ANK3: variants seen among roughly 807,000 people sequenced by gnomAD.
ANK3 encodes the protein ankyrin-3.
ANK3 carries 57 observed loss-of-function variants against 370.9 expected under a neutral mutation model. The ratio of observed to expected loss-of-function variants is 0.15; its 90% CI spans 0.12 to 0.19. The LOEUF is 0.19. Ranked by LOEUF, ANK3 falls within the 10% of genes least tolerant of loss-of-function variation. ANK3 has a pLI of 1.00. For synonymous variants in ANK3, 1,929 were observed against 1,946.3 expected, an observed-to-expected ratio of 0.99 and a Z score of 0.23; for missense variants, 4,439 against 5,302.1, an observed-to-expected ratio of 0.84 and a Z score of 5.06.
chr10:60,185,196 T>A (rs1157161621), intron 17 of ANK3, among the ~76,000 whole-genome samples: 2 of 152,218 alleles, frequency 1.3e-5, no homozygotes. Context: ...AAAAAGATTT[T>A]CACAATACTA....
intron 1 of ANK3, among the ~76,000 whole-genome samples, chr10:60,364,756 G>A (rs2059164054): frequency 6.6e-6 from 1 of 151,846 alleles, no homozygotes; most frequent in Non-Finnish European, 1.5e-5. Context: ...CTAGTAAACT[G>A]TTTCCTAATG....
chr10:60,202,207 C>T (rs1158588718), intron 12 of ANK3, among the ~76,000 whole-genome samples: 2 of 151,944 alleles, frequency 1.3e-5, no homozygotes, highest in South Asian at 2.1e-4. Context: ...CCGCAACCTC[C>T]GCCTCCCAGG....
rs1005812296 is a variant in ANK3, at chr10:60,167,024, T to C, written c.2479-128A>G. The stretch of plus-strand genomic sequence containing the variant: ...TTGAATATCTTGAATCTCCCACATA[T>C]AAAATAACATCAAAATTGTTGTCCC... On this transcript the variant is annotated intron_variant, in intron 21 of 43. Coordinates refer to ENST00000280772, the MANE Select transcript of ANK3 (RefSeq NM_020987.5). 3.5e-5 allele frequency: 27 copies of C among 761,648 alleles called. No individual in the cohort carries two copies. In the East Asian group the frequency reaches 4.5e-4, roughly 13 times the overall value. The allele number at this position is 761,648 out of a possible 1,614,324, so 47.2% of individuals were successfully genotyped here.
chr10:60,514,022 G>A lies in ANK3; in HGVS notation c.96+101164C>T, dbSNP rs568666213. Reference sequence around the variant, plus strand: ...TCCTCAGCCTATTCAACCTGAAGACGAGGATGAAGATCTTTATAATTATCT... The same window carrying A: ...TCCTCAGCCTATTCAACCTGAAGACAAGGATGAAGATCTTTATAATTATCT... On this transcript the variant is annotated intron_variant, in intron 2 of 43. Coordinates refer to the ANK3 transcript ENST00000373827. Among the ~76,000 whole-genome samples the A allele has an allele frequency of 1.3e-4, 20 of 152,184 alleles. 1 individual carries two copies. The South Asian group carries it at 3.3e-3, about 25-fold the overall frequency.
intron 2 of ANK3, among the ~76,000 whole-genome samples, chr10:60,593,161 A>G (rs530476584): frequency 5.3e-4 from 80 of 152,322 alleles, no homozygotes; most frequent in African/African-American, 1.9e-3. Context: ...TAGAAAGATA[A>G]CTGATATTTA....
chr10:60,365,291 T>C (rs981690510), intron 1 of ANK3, among the ~76,000 whole-genome samples: 3 of 152,062 alleles, frequency 2.0e-5, no homozygotes, highest in African/African-American at 7.2e-5. Context: ...TACTTTCTTA[T>C]GAAGTTATAG....
intron 2 of ANK3, among the ~76,000 whole-genome samples, chr10:60,583,511 G>GTTTTTTTT (rs750384975): frequency 5.0e-5 from 5 of 100,074 alleles, no homozygotes; most frequent in African/African-American, 6.9e-5. Context: ...GAGGTTTTTT[G>GTTTTTTTT]TTTTTTGTTT....
chr10:60,320,671 C>A (rs1432715884), intron 1 of ANK3, among the ~76,000 whole-genome samples: 1 of 152,062 alleles, frequency 6.6e-6, no homozygotes, highest in Non-Finnish European at 1.5e-5. Context: ...TTGGTGGTTA[C>A]AGAAATCTGA....
intron 2 of ANK3, among the ~76,000 whole-genome samples, chr10:60,410,307 CAT>C (rs1393208847): frequency 6.6e-6 from 1 of 152,002 alleles, no homozygotes; most frequent in Non-Finnish European, 1.5e-5. Flanking sequence ...AGACATTACT[CAT>C]AGTTGCAACT....
chr10:60,548,206 C>CT lies in ANK3; in HGVS notation c.96+66979dup, dbSNP rs537459971. The stretch of plus-strand genomic sequence containing the variant: ...TTTCAAACCCATTTTTAAATATTTC[C>CT]TTTTTTTTTTTTTTTTTTTTTTTTT... On this transcript the variant is annotated intron_variant, in intron 2 of 43. Transcript: ENST00000373827. Among the ~76,000 whole-genome samples the CT allele has an allele frequency of 7.0e-3, 623 of 88,374 alleles. 35 individuals are homozygous for CT. Among genetic ancestry groups the CT allele is most frequent in the African/African-American group, 9.6e-3 (221 of 23,108 alleles). The allele number at this position is 88,374 out of a possible 152,430, so 58.0% of individuals were successfully genotyped here.
intron 5 of ANK3, among the ~76,000 whole-genome samples, chr10:60,267,009 G>A (rs912770213): frequency 2.6e-5 from 4 of 152,140 alleles, no homozygotes; most frequent in African/African-American, 9.7e-5. Context: ...GATATGAGAT[G>A]CAGTACACAG....
chr10:60,636,864 A>G (rs2078562075), intron 1 of ANK3, among the ~76,000 whole-genome samples: 1 of 152,222 alleles, frequency 6.6e-6, no homozygotes, highest in Non-Finnish European at 1.5e-5. Flanking sequence ...AAGAAAAACA[A>G]AGCCAATGGT....
intron 1 of ANK3, among the ~76,000 whole-genome samples, chr10:60,325,634 G>T (rs549455970): frequency 3.3e-5 from 5 of 152,080 alleles, no homozygotes; most frequent in Non-Finnish European, 5.9e-5. Context: ...CAAGCTCCTG[G>T]TATCTTTCAG....
chr10:60,061,236 C>T (rs1332285264), intron 40 of ANK3, among the ~76,000 whole-genome samples: 1 of 152,140 alleles, frequency 6.6e-6, no homozygotes, highest in Non-Finnish European at 1.5e-5. Context: ...CTAAGATTAG[C>T]TGAGGTTTAT....
At chr10:60,283,767 T>C (rs1040691036) in intron 1 of ANK3, among the ~76,000 whole-genome samples, 10 of 152,270 alleles carry the variant, frequency 6.6e-5, no homozygotes, top group African/African-American at 2.2e-4. Context: ...AAAGCAGTTA[T>C]TGGAAAGAAT....
chr10:60,205,757 A>G (rs762765512), intron 11 of ANK3, 35 bp downstream of exon 11: 5 of 1,476,818 alleles, frequency 3.4e-6, no homozygotes, highest in Non-Finnish European at 9.5e-7. Flanking sequence ...TACTCTCAGT[A>G]TCTCAGGACT....
At position 60,074,858 on chromosome 10, in the gene ANK3, T is replaced by G. The variant is rs2131982319; in HGVS notation, c.6023A>C (p.Gln2008Pro). The G allele has an allele frequency of 6.2e-7, 1 of 1,613,782 alleles. No individual in the cohort carries two copies. Among genetic ancestry groups the G allele is most frequent in the East Asian group, 2.2e-5 (1 of 44,880 alleles). Reference sequence around the variant, plus strand: ...CACTCTCTCTGGCAGAGATGGAGACTGGCTCGCAGCAGCTTGTTGTCTGGC... The same window carrying G: ...CACTCTCTCTGGCAGAGATGGAGACGGGCTCGCAGCAGCTTGTTGTCTGGC... ...REARQQAAAS[Q>P]SPSLPERVQV... The change falls in exon 37 of 44, where the codon CAG becomes CCG. Residue 2008 changes from glutamine (Q) to proline (P), a missense_variant. This residue lies in a region of ANK3 where 679 missense variants were observed against 791.0 expected (regional missense o/e 0.86). Coordinates refer to ENST00000280772, the MANE Select transcript of ANK3 (RefSeq NM_020987.5).
At chr10:60,195,210 C>T (rs1028994890) in intron 16 of ANK3, among the ~76,000 whole-genome samples, 12 of 152,094 alleles carry the variant, frequency 7.9e-5, no homozygotes, top group African/African-American at 2.2e-4. Flanking sequence ...CGGTGAAACC[C>T]GGTCTCTACC....
At chr10:60,532,953 C>T (rs969579429) in intron 2 of ANK3, among the ~76,000 whole-genome samples, 1 of 151,818 alleles carries the variant, frequency 6.6e-6, no homozygotes, top group African/African-American at 2.4e-5. Context: ...TGTAAGAAAG[C>T]CTGCTCGGGG....
Sources: allele counts gnomAD v4.1 joint callset (sites outside exome capture counted in the v4.1 genomes callset), GRCh38; gene constraint gnomAD v4.1.1; regional missense constraint gnomAD v4.1.1; transcripts MANE v1.5; gene names NCBI Gene and HGNC (gene_info 2026-07-23, HGNC 2026-07-21).